EPHA3: variants seen among roughly 807,000 people sequenced by gnomAD.
EPHA3 encodes the protein ephrin type-A receptor 3.
EPHA3 carries 42 observed loss-of-function variants against 107.1 expected under a neutral mutation model. The ratio of observed to expected loss-of-function variants is 0.39; its 90% CI spans 0.31 to 0.51. The LOEUF (loss-of-function observed/expected upper bound fraction) is 0.51. EPHA3 is among the 20% of genes least tolerant of loss of function. EPHA3 has a pLI of 0.78. For missense variants in EPHA3, 1,183 were observed against 1,211.2 expected, an observed-to-expected ratio of 0.98 and a Z score of 0.35; for synonymous variants, 461 against 424.8, an observed-to-expected ratio of 1.09 and a Z score of -1.05.
intron 3 of EPHA3, among the ~76,000 whole-genome samples, chr3:89,233,612 A>G (rs536568558): frequency 6.6e-6 from 1 of 152,176 alleles, no homozygotes; most frequent in East Asian, 1.9e-4. Context: ...GCAAGGGGAG[A>G]GTGAAAATTA....
intron 3 of EPHA3, among the ~76,000 whole-genome samples, chr3:89,217,806 AAG>A (rs770039713): frequency 2.0e-5 from 3 of 152,186 alleles, no homozygotes; most frequent in Non-Finnish European, 4.4e-5. Context: ...ACTTTCAACA[AAG>A]AGAAAGTATA....
intron 2 of EPHA3, among the ~76,000 whole-genome samples, chr3:89,147,857 A>C (rs545061122): frequency 6.6e-6 from 1 of 152,102 alleles, no homozygotes; most frequent in East Asian, 1.9e-4. Flanking sequence ...TTCAGTAAAA[A>C]TCAGTCAGTT....
At chr3:89,122,827 A>G (rs1707419368) in intron 1 of EPHA3, among the ~76,000 whole-genome samples, 1 of 152,224 alleles carries the variant, frequency 6.6e-6, no homozygotes, top group South Asian at 2.1e-4. Context: ...TGAAATAAAA[A>G]GTCTTAGTTT....
In EPHA3 at chr3:89,180,009, C is replaced by T. The variant is rs151193465; in HGVS notation, c.154-29851C>T. Among the ~76,000 whole-genome samples the T allele has an allele frequency of 5.0e-4, 76 of 151,550 alleles. No individual in the cohort carries two copies. The East Asian group carries it at 0.014, about 29-fold the overall frequency. On this transcript the variant is annotated intron_variant, in intron 2 of 16. Transcript: ENST00000336596. ...GCAGAAATACAACTCAAGTGCAGTT[C>T]GTATATTCATATCAATTTCTGTTAT...
chr3:89,116,026 T>C (rs1559738219), intron 1 of EPHA3, among the ~76,000 whole-genome samples: 1 of 152,208 alleles, frequency 6.6e-6, no homozygotes, highest in South Asian at 2.1e-4. Context: ...ACTTTGGAAC[T>C]GTAGTTACAC....
chr3:89,200,274 G>C, intron 2 of EPHA3, among the ~76,000 whole-genome samples: 1 of 152,094 alleles, frequency 6.6e-6, no homozygotes, highest in Non-Finnish European at 1.5e-5. Context: ...GTCTCTTTTT[G>C]TTGATGCTGC....
At chr3:89,369,021 G>A (rs1360385523) in intron 5 of EPHA3, among the ~76,000 whole-genome samples, 1 of 150,538 alleles carries the variant, frequency 6.6e-6, no homozygotes, top group African/African-American at 2.4e-5. Flanking sequence ...CAAGTAATCT[G>A]ACAGCTGTGC....
chr3:89,246,536 C>T lies in EPHA3; in HGVS notation c.814+36016C>T, dbSNP rs560413020. Among the ~76,000 whole-genome samples the T allele has an allele frequency of 1.3e-3, 204 of 152,254 alleles. 1 individual carries two copies. The highest frequency in any genetic ancestry group is 4.7e-3 in the African/African-American group (195 of 41,556). On this transcript the variant is annotated intron_variant, in intron 3 of 16. Coordinates refer to ENST00000336596, the MANE Select transcript of EPHA3 (RefSeq NM_005233.6). ...GCCCCCTGCTGGCCTAACTCTTTGA[C>T]CCTCCCACTAGGTTGTGTCAAAGAG...
intron 2 of EPHA3, among the ~76,000 whole-genome samples, chr3:89,172,460 A>G (rs562244406): frequency 1.3e-5 from 2 of 152,206 alleles, no homozygotes; most frequent in Non-Finnish European, 2.9e-5. Flanking sequence ...GGCCTGCGTT[A>G]CAAAAGACCC....
chr3:89,290,613 T>G, intron 3 of EPHA3, among the ~76,000 whole-genome samples: 1 of 152,186 alleles, frequency 6.6e-6, no homozygotes, highest in East Asian at 1.9e-4. Flanking sequence ...TGGTTAACAG[T>G]AAAACTGTAT....
chr3:89,243,559 A>G (rs1704960759), intron 3 of EPHA3, among the ~76,000 whole-genome samples: 1 of 152,090 alleles, frequency 6.6e-6, no homozygotes, highest in Non-Finnish European at 1.5e-5. Flanking sequence ...TCTTCTTTTG[A>G]GAAGTGTCTG....
intron 3 of EPHA3, among the ~76,000 whole-genome samples, chr3:89,211,731 C>T (rs1316174373): frequency 1.1e-3 from 11 of 10,320 alleles, no homozygotes; most frequent in South Asian, 5.6e-3. Flanking sequence ...TCTTTTTCTT[C>T]TTCTTCTTCT....
chr3:89,138,142 A>G (rs1057015684), intron 2 of EPHA3, among the ~76,000 whole-genome samples: 4 of 151,840 alleles, frequency 2.6e-5, no homozygotes, highest in African/African-American at 9.7e-5. Context: ...AGCACTGTGT[A>G]TAATTCATGA....
intron 9 of EPHA3, among the ~76,000 whole-genome samples, chr3:89,408,558 A>C (rs1299137267): frequency 6.6e-6 from 1 of 152,082 alleles, no homozygotes; most frequent in African/African-American, 2.4e-5. Flanking sequence ...CCATTTTATC[A>C]ACCAACCTAG....
At chr3:89,183,111 C>G (rs1168429728) in intron 2 of EPHA3, among the ~76,000 whole-genome samples, 3 of 151,920 alleles carry the variant, frequency 2.0e-5, no homozygotes, top group African/African-American at 7.2e-5. Flanking sequence ...ACATCCAAAA[C>G]TTTTGATGAT....
intron 3 of EPHA3, among the ~76,000 whole-genome samples, chr3:89,281,950 T>C (rs188328127): frequency 6.4e-4 from 97 of 152,362 alleles, no homozygotes; most frequent in Non-Finnish European, 1.1e-3. Context: ...GTCTAGTTAT[T>C]GGGCTGATGT....
intron 2 of EPHA3, among the ~76,000 whole-genome samples, chr3:89,143,811 A>G (rs895462129): frequency 2.6e-5 from 4 of 151,626 alleles, no homozygotes; most frequent in African/African-American, 9.7e-5. Context: ...AATCCAGGGT[A>G]TCACATTGCA....
In EPHA3 at chr3:89,342,101, A is replaced by G; in HGVS notation, c.1306+11A>G. 1 of 1,598,028 alleles carries G rather than the reference A, an allele frequency of 6.3e-7. No individual in the cohort carries two copies. The highest frequency in any genetic ancestry group is 8.5e-7 in the Non-Finnish European group (1 of 1,170,680). ...CAACTAATCAGGCTGGTGAGTACAT[A>G]CTAGATGCTTCTTACTCTTATCATA... On this transcript the variant is annotated intron_variant, in intron 5 of 16. Coordinates refer to ENST00000336596, the MANE Select transcript of EPHA3 (RefSeq NM_005233.6).
At chr3:89,108,006 C>T (rs1707015273) in intron 1 of EPHA3, among the ~76,000 whole-genome samples, 170 bp downstream of exon 1, 2 of 151,964 alleles carry the variant, frequency 1.3e-5, no homozygotes, top group South Asian at 4.2e-4. Context: ...TTCTAAAACA[C>T]TTCAGGAGAT....
Sources: allele counts gnomAD v4.1 joint callset (sites outside exome capture counted in the v4.1 genomes callset), GRCh38; gene constraint gnomAD v4.1.1; transcripts MANE v1.5; gene names NCBI Gene and HGNC (gene_info 2026-07-23, HGNC 2026-07-21).